PDE4D: variants seen among roughly 807,000 people sequenced by gnomAD.
PDE4D encodes phosphodiesterase 4D.
A neutral mutation model predicts 87.4 loss-of-function variants in PDE4D; 24 were observed. The ratio of observed to expected loss-of-function variants is 0.27; its 90% CI spans 0.20 to 0.39. The LOEUF (loss-of-function observed/expected upper bound fraction) is 0.39, where lower values mean the gene tolerates loss of function less well. PDE4D is among the 10% of genes least tolerant of loss of function. The probability of loss-of-function intolerance (pLI) is 1.00; values close to 1 mark genes in which losing one functional copy is unlikely to be tolerated. For synonymous variants in PDE4D, 384 were observed against 383.2 expected, an observed-to-expected ratio of 1.00 and a Z score of -0.02; for missense variants, 714 against 1,041.0, an observed-to-expected ratio of 0.69 and a Z score of 4.32.
intron 1 of PDE4D, among the ~76,000 whole-genome samples, chr5:59,582,548 T>C (rs1474839458): frequency 3.3e-5 from 5 of 152,190 alleles, no homozygotes; most frequent in South Asian, 2.1e-4. Context: ...CATATATGAA[T>C]ATATTATCAA....
intron 2 of PDE4D, among the ~76,000 whole-genome samples, chr5:60,132,624 T>G (rs1468730919): frequency 6.6e-6 from 1 of 152,210 alleles, no homozygotes; most frequent in Non-Finnish European, 1.5e-5. Flanking sequence ...CAAGATACTT[T>G]CTGGTAAAAT....
intron 10 of PDE4D, 55 bp downstream of exon 10, chr5:58,989,700 A>C (rs1385071762): frequency 8.8e-7 from 1 of 1,142,464 alleles, no homozygotes; most frequent in African/African-American, 1.6e-5. Context: ...TAAAAGTTTA[A>C]TAGACCTTTA....
chr5:59,054,615 A>G (rs541186070), intron 5 of PDE4D, among the ~76,000 whole-genome samples: 1 of 152,046 alleles, frequency 6.6e-6, no homozygotes, highest in South Asian at 2.1e-4. Context: ...ATATAAAATA[A>G]AAAGGAAATG....
chr5:59,619,479 T>C (rs541870422), intron 1 of PDE4D, among the ~76,000 whole-genome samples: 1 of 152,332 alleles, frequency 6.6e-6, no homozygotes, highest in Non-Finnish European at 1.5e-5. Flanking sequence ...CCCCAATCCC[T>C]AGTAATTCTG....
chr5:59,958,300 C>A (rs1759083533), intron 3 of PDE4D, among the ~76,000 whole-genome samples: 1 of 151,988 alleles, frequency 6.6e-6, no homozygotes, highest in Non-Finnish European at 1.5e-5. Context: ...CACTCTTGGG[C>A]AAATAATATT....
Position 59,229,894 on chromosome 5 carries a change from G to A in PDE4D, c.456-13926C>T, listed in dbSNP as rs112995360. 8.7e-3 allele frequency among the ~76,000 whole-genome samples: 1,318 copies of A among 152,256 alleles called. 17 individuals carry two copies. Among genetic ancestry groups the A allele is most frequent in the African/African-American group, 0.029 (1,208 of 41,540 alleles). On this transcript the variant is annotated intron_variant, in intron 1 of 14. Coordinates refer to ENST00000340635, the MANE Select transcript of PDE4D (RefSeq NM_001104631.2). ...GCTCACTGCAACCTCCGCCTCCCGC[G>A]TTCAAGTGATTCTCCTGCCTCAGGC...
chr5:60,465,298 T>C (rs1256817234), intron 1 of PDE4D, among the ~76,000 whole-genome samples: 1 of 152,184 alleles, frequency 6.6e-6, no homozygotes, highest in African/African-American at 2.4e-5. Context: ...TTCACTATGC[T>C]TTAGATCATT....
rs539639680 is a variant in PDE4D, at chr5:60,086,499, G to C, written c.43-97782C>G. ...AATGCATAATTATTCCCATTCAGTA[G>C]AGAGAGTCATCAAGCTTCATAGCAT... On this transcript the variant is annotated intron_variant, in intron 2 of 16. Transcript: ENST00000502484. Among the ~76,000 whole-genome samples the C allele has an allele frequency of 7.3e-3, 1,119 of 152,288 alleles. 6 individuals carry two copies. The highest frequency in any genetic ancestry group is 0.014 in the Admixed American group (210 of 15,296).
intron 1 of PDE4D, among the ~76,000 whole-genome samples, chr5:59,595,503 G>T (rs962773061): frequency 6.6e-6 from 1 of 152,078 alleles, no homozygotes; most frequent in Non-Finnish European, 1.5e-5. Flanking sequence ...TTATGTTGTT[G>T]TAAGAATATT....
At chr5:60,435,770 A>G (rs1744711719) in intron 1 of PDE4D, among the ~76,000 whole-genome samples, 1 of 152,104 alleles carries the variant, frequency 6.6e-6, no homozygotes, top group Non-Finnish European at 1.5e-5. Context: ...ATTAAAGTCC[A>G]ATATTTTATT....
chr5:59,346,980 A>T (rs1779715700), intron 1 of PDE4D, among the ~76,000 whole-genome samples: 1 of 152,188 alleles, frequency 6.6e-6, no homozygotes, highest in African/African-American at 2.4e-5. Context: ...GTCAGGTACA[A>T]CCTGAAGATG....
At chr5:59,356,214 T>C (rs1380795670) in intron 1 of PDE4D, among the ~76,000 whole-genome samples, 2 of 152,190 alleles carry the variant, frequency 1.3e-5, no homozygotes, top group African/African-American at 4.8e-5. Context: ...TCATTGACAG[T>C]TTAGTGAAGT....
At chr5:59,043,507 C>T (rs1760046379) in intron 5 of PDE4D, among the ~76,000 whole-genome samples, 1 of 151,172 alleles carries the variant, frequency 6.6e-6, no homozygotes, top group Admixed American at 6.6e-5. Context: ...TGGACAACAG[C>T]AGAAGACTCC....
intron 1 of PDE4D, among the ~76,000 whole-genome samples, chr5:59,851,448 G>T (rs972485770): frequency 1.3e-5 from 2 of 151,974 alleles, no homozygotes; most frequent in African/African-American, 4.8e-5. Context: ...TTTGCACATA[G>T]ACCTGGTATG....
chr5:59,776,860 CG>C lies in PDE4D; in HGVS notation c.455+116307del, dbSNP rs887510089. ...TTGCCTAATTTTAATGAATGTTTCA[CG>C]AAAAAAAAAAAAGCATTTTGTGATT... On this transcript the variant is annotated intron_variant, in intron 1 of 14. Coordinates refer to ENST00000340635, the MANE Select transcript of PDE4D (RefSeq NM_001104631.2). 2.1e-5 allele frequency among the ~76,000 whole-genome samples: 3 copies of C among 145,288 alleles called. 1 individual carries two copies. The highest frequency in any genetic ancestry group is 1.3e-4 in the Admixed American group (2 of 14,842).
Position 60,083,184 on chromosome 5 carries a change from G to C in PDE4D, c.43-94467C>G, listed in dbSNP as rs80138064. Among the ~76,000 whole-genome samples the C allele has an allele frequency of 2.0e-3, 312 of 152,228 alleles. 8 individuals carry two copies. In the East Asian group the frequency reaches 0.053, roughly 26 times the overall value. On this transcript the variant is annotated intron_variant, in intron 2 of 16. Transcript: ENST00000502484. ...CTTGAATATACTTGATGCCTAGCTTGCAATTGGACAATATATATTTGCTGA... is the reference window on the plus strand; with the variant it reads ...CTTGAATATACTTGATGCCTAGCTTCCAATTGGACAATATATATTTGCTGA...
chr5:59,897,256 A>C (rs2152759645), upstream of PDE4D, among the ~76,000 whole-genome samples: 1 of 152,300 alleles, frequency 6.6e-6, no homozygotes, highest in African/African-American at 2.4e-5. Context: ...GATACAATCA[A>C]TCACTCAATG....
Position 59,161,642 on chromosome 5 carries a change from G to GTTAAATTTTAAATT in PDE4D, c.808+18952_808+18953insAATTTAAAATTTAA, listed in dbSNP as rs568415094. ...TTTGCGGCCTAAATCAGTCTTTCAGGTTAAATTTTAAAGTGCCCTGGCCAA... is the reference window on the plus strand; with the variant it reads ...TTTGCGGCCTAAATCAGTCTTTCAGGTTAAATTTTAAATTTTAAATTTTAAAGTGCCCTGGCCAA... On this transcript the variant is annotated intron_variant, in intron 5 of 14. Coordinates refer to ENST00000340635, the MANE Select transcript of PDE4D (RefSeq NM_001104631.2). Among the ~76,000 whole-genome samples, 56 of 152,262 alleles carry GTTAAATTTTAAATT rather than the reference G, an allele frequency of 3.7e-4. No homozygotes were observed. In the South Asian group the frequency reaches 8.1e-3, roughly 22 times the overall value.
chr5:60,411,887 C>T (rs1264825168), intron 1 of PDE4D, among the ~76,000 whole-genome samples: 10 of 152,200 alleles, frequency 6.6e-5, no homozygotes, highest in Admixed American at 1.3e-4. Flanking sequence ...CCCAACCACC[C>T]GCAAAAAAGG....
Sources: gnomAD v4.1 joint callset for allele counts (sites outside exome capture counted in the v4.1 genomes callset) on GRCh38, gnomAD v4.1.1 for gene constraint, MANE v1.5 for transcripts, NCBI Gene and HGNC (gene_info 2026-07-23, HGNC 2026-07-21) for gene names.